Variants in COL5A3 observed in about 807,000 individuals in gnomAD.
COL5A3 encodes the protein collagen type V alpha 3 chain.
COL5A3 carries 172 observed loss-of-function variants against 250.0 expected under a neutral mutation model. The observed-to-expected ratio is 0.69, with a 90% CI of 0.61 to 0.78. The LOEUF (loss-of-function observed/expected upper bound fraction) is 0.78. Ranked by LOEUF, COL5A3 falls within the 30% of genes least tolerant of loss-of-function variation. The probability of loss-of-function intolerance (pLI) is 0.00; values close to 1 mark genes in which losing one functional copy is unlikely to be tolerated. For synonymous variants in COL5A3, 937 were observed against 900.4 expected (o/e 1.04, Z -0.73); for missense variants, 2,340 against 2,334.4 (o/e 1.00, Z -0.05).
chr19:9,979,245 G>A lies in COL5A3; in HGVS notation c.2767-6C>T. On this transcript the variant is annotated splice_region_variant and splice_polypyrimidine_tract_variant and intron_variant, in intron 38 of 66. Coordinates refer to ENST00000264828, the MANE Select transcript of COL5A3 (RefSeq NM_015719.4). ...CCCACTTCTCCTGTCTTTCCCTGGT[G>A]AGGAAGAAGGCTCCTGTTGAGTGGG... The A allele has an allele frequency of 1.2e-6, 2 of 1,606,284 alleles. No individual in the cohort carries two copies. Among genetic ancestry groups the A allele is most frequent in the Non-Finnish European group, 8.5e-7 (1 of 1,175,360 alleles).
chr19:9,973,187 C>T (rs1279491276), intron 50 of COL5A3, among the ~76,000 whole-genome samples, 161 bp from the exon 51 acceptor site: 1 of 152,164 alleles, frequency 6.6e-6, no homozygotes, highest in African/African-American at 2.4e-5. Flanking sequence ...GGAGCTAGGA[C>T]TTAAGACAGT....
chr19:9,983,560 GAAAGAAAGAAAGAAAGA>G (rs2087043365), intron 31 of COL5A3, among the ~76,000 whole-genome samples: 1 of 66,016 alleles, frequency 1.5e-5, no homozygotes, highest in African/African-American at 4.8e-5. Context: ...AAGAAAGAAA[GAAAGAAAGAAAGAAAGA>G]AAGAAAGAAA....
intron 21 of COL5A3, among the ~76,000 whole-genome samples, chr19:9,992,301 C>G (rs1439948480): frequency 6.6e-6 from 1 of 152,024 alleles, no homozygotes; most frequent in Admixed American, 6.6e-5. Flanking sequence ...CTCAGCTACT[C>G]AGGAGGCTGA....
intron 1 of COL5A3, among the ~76,000 whole-genome samples, chr19:10,008,172 G>A (rs897485649): frequency 6.6e-6 from 1 of 152,078 alleles, no homozygotes; most frequent in Non-Finnish European, 1.5e-5. Context: ...GGGGCCCAGG[G>A]CAGGATTGAG....
chr19:9,969,260 G>T, intron 57 of COL5A3, 89 bp downstream of exon 57: 1 of 1,168,410 alleles, frequency 8.6e-7, no homozygotes, highest in Non-Finnish European at 1.2e-6. Context: ...GTCAGTGAGG[G>T]CTAGCCTGCA....
At position 9,993,612 on chromosome 19, in the gene COL5A3, C is replaced by G; in HGVS notation, c.1695+7G>C. The G allele has an allele frequency of 6.2e-7, 1 of 1,614,048 alleles. No homozygotes were observed. The highest frequency in any genetic ancestry group is 8.5e-7 in the Non-Finnish European group (1 of 1,179,956). On this transcript the variant is annotated splice_region_variant and intron_variant, in intron 18 of 66. Coordinates refer to ENST00000264828, the MANE Select transcript of COL5A3 (RefSeq NM_015719.4). ...TTAGACTTGGGGGAGGGACCTCACA[C>G]ACTCACCCTTTGGCCCTTCTCACCA... is the stretch of plus-strand genomic sequence containing the variant.
intron 8 of COL5A3, among the ~76,000 whole-genome samples, chr19:10,000,564 T>C (rs941927951): frequency 1.4e-5 from 2 of 147,604 alleles, no homozygotes; most frequent in Non-Finnish European, 3.0e-5. Context: ...GCCCAAAGCA[T>C]TGGGATTACA....
chr19:9,969,801 C>T, intron 55 of COL5A3, 68 bp downstream of exon 55: 1 of 1,594,276 alleles, frequency 6.3e-7, no homozygotes, highest in African/African-American at 1.3e-5. Context: ...TAGGTCCACC[C>T]TCTCCTGATG....
rs1429950200 is a variant in COL5A3 at position 9,996,123 on chromosome 19, G to A, written c.1480-4C>T. Reference sequence around the variant, plus strand: ...GACCTGGATGCCCGGGGAGACCCTTGGGGGAGGAGAGATGGAGGAGTGTGG... The same window carrying A: ...GACCTGGATGCCCGGGGAGACCCTTAGGGGAGGAGAGATGGAGGAGTGTGG... On this transcript the variant is annotated splice_region_variant and splice_polypyrimidine_tract_variant and intron_variant, in intron 14 of 66. Transcript: ENST00000264828. The A allele has an allele frequency of 2.5e-6, 4 of 1,574,928 alleles. No individual in the cohort carries two copies. Among genetic ancestry groups the A allele is most frequent in the African/African-American group, 2.7e-5 (2 of 73,370 alleles).
chr19:9,980,224 A>G (rs2086989082), intron 35 of COL5A3, among the ~76,000 whole-genome samples, 177 bp from the exon 36 acceptor site: 1 of 152,204 alleles, frequency 6.6e-6, no homozygotes, highest in South Asian at 2.1e-4. Context: ...TTTGGGTTGG[A>G]GACTGAGGTT....
chr19:9,981,132 C>T lies in COL5A3; in HGVS notation c.2461G>A (p.Gly821Arg), dbSNP rs2087003546. 6.2e-7 allele frequency: 1 copy of T among 1,613,944 alleles called. No homozygotes were observed. Among genetic ancestry groups the T allele is most frequent in the South Asian group, 1.1e-5 (1 of 91,072 alleles). ...LGPIGEKGKS[G>R]KTGQPGLEGE... is the part of the protein sequence containing the mutation. ...TCCAGGCCTGGCTGCCCTGTCTTTCCCTGAAAATGAATTGTAAGAGAGAAA... is the reference window on the plus strand; with the variant it reads ...TCCAGGCCTGGCTGCCCTGTCTTTCTCTGAAAATGAATTGTAAGAGAGAAA... Residue 821 changes from glycine to arginine, a missense_variant and splice_region_variant, in exon 33 of 67, where the codon GGA (glycine) becomes AGA (arginine). Gly to Arg is a moderately radical substitution (Grantham distance 125). Coordinates refer to ENST00000264828, the MANE Select transcript of COL5A3 (RefSeq NM_015719.4).
intron 8 of COL5A3, among the ~76,000 whole-genome samples, chr19:9,998,712 T>A (rs1000488822): frequency 6.6e-6 from 1 of 151,220 alleles, no homozygotes; most frequent in Non-Finnish European, 1.5e-5. Flanking sequence ...TTAAATGGAG[T>A]CTTGCTCTGT....
At position 9,960,545 on chromosome 19, in the gene COL5A3, G is replaced by C. The variant is rs774837936; in HGVS notation, c.5104C>G (p.Gln1702Glu). 1 of 1,614,170 alleles carries C rather than the reference G, an allele frequency of 6.2e-7. No individual in the cohort carries two copies. Among genetic ancestry groups the C allele is most frequent in the Non-Finnish European group, 8.5e-7 (1 of 1,180,034 alleles). ...PQDGCRLRKG[Q>E]TKTLFEFSSS... ...CTGAATTCGAAAAGGGTCTTCGTCT[G>C]TCCTTTCCGGAGCTGTCCCCAGAGA... Residue 1702 changes from glutamine to glutamate, a missense_variant, in exon 67 of 67, where the codon CAG becomes GAG. Physicochemically the swap from Gln to Glu is conservative, Grantham distance 29. Around this residue, in one of 3 missense-constraint regions of COL5A3, gnomAD observed 1,179 missense variants for 1,162.6 expected, o/e 1.01. Transcript: ENST00000264828.
chr19:9,991,525 G>A, intron 24 of COL5A3, 85 bp downstream of exon 24: 1 of 1,130,952 alleles, frequency 8.8e-7, no homozygotes, highest in East Asian at 2.6e-5. Flanking sequence ...AGCTAACAGA[G>A]GGGTCTTGGT....
At chr19:9,986,803 A>G in intron 27 of COL5A3, 45 bp from the exon 28 acceptor site, 1 of 1,606,856 alleles carries the variant, frequency 6.2e-7, no homozygotes. Flanking sequence ...TCCCTGCTTA[A>G]GAAGTGACCC....
At chr19:9,993,539 C>G in intron 18 of COL5A3, 80 bp downstream of exon 18, 1 of 1,584,256 alleles carries the variant, frequency 6.3e-7, no homozygotes, top group Non-Finnish European at 8.7e-7. Flanking sequence ...GATCATGACT[C>G]TGATACTGAG....
intron 32 of COL5A3, among the ~76,000 whole-genome samples, chr19:9,981,617 A>G (rs192161477): frequency 1.1e-4 from 17 of 152,342 alleles, no homozygotes; most frequent in African/African-American, 3.8e-4. Flanking sequence ...ACACTGTTAC[A>G]ATACACACAT....
chr19:9,994,831 G>A (rs1487422746), intron 16 of COL5A3, among the ~76,000 whole-genome samples: 1 of 151,502 alleles, frequency 6.6e-6, no homozygotes, highest in Non-Finnish European at 1.5e-5. Flanking sequence ...GTAAGTATTT[G>A]TATGTCTAAA....
At chr19:9,990,319 G>A (rs574557065) in intron 24 of COL5A3, among the ~76,000 whole-genome samples, 102 of 150,516 alleles carry the variant, frequency 6.8e-4, no homozygotes, top group African/African-American at 2.2e-3. Context: ...ACTTGAACCC[G>A]GGAGGTGGAG....
Sources: gnomAD v4.1 joint callset for allele counts (sites outside exome capture counted in the v4.1 genomes callset) on GRCh38, gnomAD v4.1.1 for gene constraint, gnomAD v4.1.1 regional missense constraint, MANE v1.5 for transcripts, NCBI Gene and HGNC (gene_info 2026-07-23, HGNC 2026-07-21) for gene names.